The following PRIM2 variants were observed in gnomAD, a reference collection of about 807,000 sequenced individuals.
The protein encoded by PRIM2 is DNA primase large subunit.
A neutral mutation model predicts 67.3 loss-of-function variants in PRIM2; 39 were observed. The ratio of observed to expected loss-of-function variants is 0.58; its 90% CI spans 0.45 to 0.76. The LOEUF is 0.76. Among genes scored for constraint, PRIM2 ranks in the 30% least tolerant of loss-of-function variants. PRIM2 has a pLI of 0.00. For missense variants in PRIM2, 398 were observed against 598.7 expected, an observed-to-expected ratio of 0.66 and a Z score of 3.50; for synonymous variants, 143 against 198.7, an observed-to-expected ratio of 0.72 and a Z score of 2.36.
At chr6:57,618,268 C>CAA (rs1202785080) in intron 12 of PRIM2, among the ~76,000 whole-genome samples, 29 of 152,116 alleles carry the variant, frequency 1.9e-4, no homozygotes, top group Non-Finnish European at 3.4e-4. Context: ...TTTATTTCTG[C>CAA]AAAAACAGCC....
chr6:57,251,130 A>G, the PRIM2 span, among the ~76,000 whole-genome samples: 5 of 152,090 alleles, frequency 3.3e-5, no homozygotes, highest in Non-Finnish European at 7.3e-5. Flanking sequence ...CTCCTATTAC[A>G]TTGAAGCTAA....
At chr6:57,306,564 C>T in the PRIM2 span, among the ~76,000 whole-genome samples, 1 of 152,140 alleles carries the variant, frequency 6.6e-6, no homozygotes, top group South Asian at 2.1e-4. Context: ...GGGTTCGCTC[C>T]CTTCCCAGAT....
Position 57,343,332 on chromosome 6 carries a change from C to G in PRIM2, c.459+17287C>G, listed in dbSNP as rs1409970832. Among the ~76,000 whole-genome samples, 4 of 152,140 alleles carry G rather than the reference C, an allele frequency of 2.6e-5. No homozygotes were observed. The East Asian group carries it at 7.7e-4, about 29-fold the overall frequency. ...TTTCTATTATGTAAAATATGAACAT[C>G]CCATGCATTGATATACATGACTCTC... On this transcript the variant is annotated intron_variant, in intron 5 of 13. Coordinates refer to ENST00000615550, the MANE Select transcript of PRIM2 (RefSeq NM_000947.5).
chr6:57,338,248 G>A (rs1226875379), intron 5 of PRIM2, among the ~76,000 whole-genome samples: 1 of 152,112 alleles, frequency 6.6e-6, no homozygotes, highest in Non-Finnish European at 1.5e-5. Flanking sequence ...TCCAGGACCA[G>A]ATGGATTCAC....
chr6:57,311,049 A>C (rs1395564240), upstream of PRIM2, among the ~76,000 whole-genome samples: 1 of 141,646 alleles, frequency 7.1e-6, no homozygotes, highest in Non-Finnish European at 1.5e-5. Context: ...CACCTCCCAG[A>C]CAGGGTGGCG....
intron 5 of PRIM2, among the ~76,000 whole-genome samples, chr6:57,339,180 A>C (rs1049102487): frequency 3.3e-5 from 5 of 152,164 alleles, no homozygotes; most frequent in Admixed American, 6.5e-5. Context: ...GGAGAACTAC[A>C]AACCACTGCT....
At chr6:57,541,181 T>C (rs1445282181) in intron 10 of PRIM2, among the ~76,000 whole-genome samples, 56 of 152,326 alleles carry the variant, frequency 3.7e-4, no homozygotes, top group African/African-American at 1.3e-3. Flanking sequence ...ATCTTGTAAA[T>C]AGATAATGTA....
the PRIM2 span, among the ~76,000 whole-genome samples, chr6:57,294,894 C>A: frequency 1.3e-5 from 2 of 151,726 alleles, no homozygotes; most frequent in Non-Finnish European, 2.9e-5. Context: ...ATTGCAACCT[C>A]CACCTCCCGG....
At chr6:57,481,178 A>C (rs1259420354) in intron 7 of PRIM2, among the ~76,000 whole-genome samples, 3 of 152,134 alleles carry the variant, frequency 2.0e-5, no homozygotes, top group Non-Finnish European at 2.9e-5. Flanking sequence ...TCATGTGAAA[A>C]TTTGTGTAGC....
chr6:57,557,277 A>G (rs1775531067), intron 10 of PRIM2, among the ~76,000 whole-genome samples: 1 of 148,804 alleles, frequency 6.7e-6, no homozygotes, highest in Non-Finnish European at 1.5e-5. Context: ...ACCGAGTATA[A>G]GAGGAATATA....
At chr6:57,455,334 A>T (rs1314953154) in intron 7 of PRIM2, among the ~76,000 whole-genome samples, 1 of 151,976 alleles carries the variant, frequency 6.6e-6, no homozygotes, top group African/African-American at 2.4e-5. Context: ...CAATTCCTGG[A>T]TATCCTTGTT....
chr6:57,426,357 T>C lies in PRIM2; in HGVS notation c.693+44189T>C, dbSNP rs559487900. Among the ~76,000 whole-genome samples, 40 of 152,360 alleles carry C rather than the reference T, an allele frequency of 2.6e-4. 1 individual carries two copies. In the South Asian group the frequency reaches 8.3e-3, roughly 32 times the overall value. On this transcript the variant is annotated intron_variant, in intron 7 of 13. Coordinates refer to ENST00000615550, the MANE Select transcript of PRIM2 (RefSeq NM_000947.5). ...CACATAGTATGTACTTTTTTGTGTC[T>C]GGTTTCTTTTGCTCAGCCAGGTTTC...
At chr6:57,529,178 T>C (rs1774831846) in intron 8 of PRIM2, among the ~76,000 whole-genome samples, 2 of 151,974 alleles carry the variant, frequency 1.3e-5, no homozygotes, top group South Asian at 2.1e-4. Context: ...GTCGTGGTGG[T>C]GGGCGCCTGT....
chr6:57,382,524 T>A (rs1298279902), intron 7 of PRIM2: 1 of 166,010 alleles, frequency 6.0e-6, no homozygotes, highest in Non-Finnish European at 1.3e-5. Context: ...CTCCTAGATT[T>A]CTGTTCTGAA....
chr6:57,268,586 A>ATG, the PRIM2 span, among the ~76,000 whole-genome samples: 3 of 152,058 alleles, frequency 2.0e-5, no homozygotes, highest in Non-Finnish European at 4.4e-5. Context: ...AAGGATATAT[A>ATG]TGTATATATA....
At chr6:57,297,221 C>G in the PRIM2 span, among the ~76,000 whole-genome samples, 1 of 151,954 alleles carries the variant, frequency 6.6e-6, no homozygotes, top group Non-Finnish European at 1.5e-5. Context: ...GCGGGTGGAT[C>G]ACTTGAGGTC....
rs546122360 is a variant in PRIM2, at chr6:57,364,319, T to G, written c.460-15582T>G. Among the ~76,000 whole-genome samples the G allele has an allele frequency of 2.0e-5, 3 of 152,298 alleles. No homozygotes were observed. In the South Asian group the frequency reaches 6.2e-4, roughly 32 times the overall value. ...GTTATTGCCCTCCCACAGCCTTTTT[T>G]CAGGACATTTTCAGGGTGAATGTGC... is the stretch of plus-strand genomic sequence containing the variant. On this transcript the variant is annotated intron_variant, in intron 5 of 13. Coordinates refer to ENST00000615550, the MANE Select transcript of PRIM2 (RefSeq NM_000947.5).
chr6:57,614,000 A>G (rs1209490635), intron 12 of PRIM2, among the ~76,000 whole-genome samples: 1 of 151,908 alleles, frequency 6.6e-6, no homozygotes, highest in Non-Finnish European at 1.5e-5. Context: ...GGAAGGAACC[A>G]TTGTCTTCCA....
chr6:57,640,888 C>G (rs1256719911), intron 13 of PRIM2, among the ~76,000 whole-genome samples: 96 of 151,480 alleles, frequency 6.3e-4, no homozygotes, highest in Admixed American at 2.1e-3. Context: ...CTTTAAATTT[C>G]AAGTGGAACC....
Sources: gnomAD v4.1 joint callset for allele counts (sites outside exome capture counted in the v4.1 genomes callset) on GRCh38, gnomAD v4.1.1 for gene constraint, MANE v1.5 for transcripts, NCBI Gene and HGNC (gene_info 2026-07-23, HGNC 2026-07-21) for gene names.